SH3BGRL2: variants seen among roughly 807,000 people sequenced by gnomAD.
SH3BGRL2 encodes SH3 domain binding glutamate rich protein like 2.
A neutral mutation model predicts 14.8 loss-of-function variants in SH3BGRL2; 21 were observed. The observed-to-expected ratio is 1.42, with a 90% CI of 1.01 to 2.05. The LOEUF is 2.05. Among genes scored for constraint, SH3BGRL2 ranks in the 30% most tolerant of loss-of-function variants. The probability of loss-of-function intolerance (pLI) is 0.00; values close to 1 mark genes in which losing one functional copy is unlikely to be tolerated. For missense variants in SH3BGRL2, 147 were observed against 130.8 expected, an observed-to-expected ratio of 1.12 and a Z score of -0.61; for synonymous variants, 50 against 47.8, an observed-to-expected ratio of 1.05 and a Z score of -0.19.
At chr6:79,643,019 C>T (rs1214986475) in intron 1 of SH3BGRL2, among the ~76,000 whole-genome samples, 1 of 152,084 alleles carries the variant, frequency 6.6e-6, no homozygotes, top group African/African-American at 2.4e-5. Flanking sequence ...AAGAGGGGAC[C>T]CATTGTGCTG....
At chr6:79,657,405 A>G (rs1769442333) in intron 1 of SH3BGRL2, among the ~76,000 whole-genome samples, 1 of 152,150 alleles carries the variant, frequency 6.6e-6, no homozygotes, top group South Asian at 2.1e-4. Flanking sequence ...AGAAGAAAGA[A>G]AAGGAGATGA....
At chr6:79,549,435 A>G in the SH3BGRL2 span, among the ~76,000 whole-genome samples, 1 of 152,234 alleles carries the variant, frequency 6.6e-6, no homozygotes, top group Non-Finnish European at 1.5e-5. Context: ...GTGGTCCCAT[A>G]AGATTATAAT....
At chr6:79,644,882 G>A (rs1769098091) in intron 1 of SH3BGRL2, among the ~76,000 whole-genome samples, 1 of 152,034 alleles carries the variant, frequency 6.6e-6, no homozygotes, top group Non-Finnish European at 1.5e-5. Flanking sequence ...TGAGTTGGCC[G>A]GGCGCGGTGG....
the SH3BGRL2 span, among the ~76,000 whole-genome samples, chr6:79,539,202 A>G: frequency 6.6e-6 from 1 of 152,194 alleles, no homozygotes; most frequent in Non-Finnish European, 1.5e-5. Flanking sequence ...AGTAAAAACT[A>G]GTTTATTGAA....
At chr6:79,684,792 A>C (rs74787373) in intron 2 of SH3BGRL2, among the ~76,000 whole-genome samples, 1 of 152,156 alleles carries the variant, frequency 6.6e-6, no homozygotes, top group Non-Finnish European at 1.5e-5. Context: ...GCATTTTCTT[A>C]GAGAAGTTTA....
chr6:79,691,539 C>T (rs1379724629), intron 2 of SH3BGRL2, among the ~76,000 whole-genome samples: 5 of 125,216 alleles, frequency 4.0e-5, no homozygotes, highest in African/African-American at 6.2e-5. Context: ...CGGTGTGTGA[C>T]GTTCCCCTTC....
intron 1 of SH3BGRL2, among the ~76,000 whole-genome samples, chr6:79,639,967 C>T (rs1476931865): frequency 6.6e-6 from 1 of 152,182 alleles, no homozygotes; most frequent in Non-Finnish European, 1.5e-5. Flanking sequence ...TGCTTGTTAA[C>T]TTTTGTGGGG....
At chr6:79,564,099 A>AT in the SH3BGRL2 span, among the ~76,000 whole-genome samples, 1 of 152,206 alleles carries the variant, frequency 6.6e-6, no homozygotes, top group African/African-American at 2.4e-5. Context: ...GAAAACTGGT[A>AT]ACTCATACTG....
intron 1 of SH3BGRL2, among the ~76,000 whole-genome samples, chr6:79,637,957 C>G (rs1768959212): frequency 6.6e-6 from 1 of 152,116 alleles, no homozygotes; most frequent in Non-Finnish European, 1.5e-5. Context: ...AGCATACAAA[C>G]TATTTTTATT....
the SH3BGRL2 span, among the ~76,000 whole-genome samples, chr6:79,605,545 G>A: frequency 2.6e-5 from 4 of 152,162 alleles, no homozygotes; most frequent in East Asian, 1.9e-4. Context: ...TAAAGTTGTG[G>A]TAAATCTGTA....
intron 1 of SH3BGRL2, among the ~76,000 whole-genome samples, chr6:79,631,976 T>C (rs1320230264): frequency 2.0e-5 from 3 of 152,210 alleles, no homozygotes; most frequent in Non-Finnish European, 4.4e-5. Context: ...CTGTCCTCCC[T>C]TCCCCGCCAG....
At chr6:79,596,140 G>A in the SH3BGRL2 span, among the ~76,000 whole-genome samples, 1 of 152,124 alleles carries the variant, frequency 6.6e-6, no homozygotes, top group Non-Finnish European at 1.5e-5. Flanking sequence ...TTTATACTCT[G>A]ATATTACAAA....
the SH3BGRL2 span, among the ~76,000 whole-genome samples, chr6:79,571,652 A>G: frequency 9.2e-5 from 14 of 152,222 alleles, no homozygotes; most frequent in East Asian, 1.9e-4. Context: ...CTTAAAATCT[A>G]TTGGTAACAC....
chr6:79,608,482 A>G, the SH3BGRL2 span, among the ~76,000 whole-genome samples: 1 of 152,124 alleles, frequency 6.6e-6, no homozygotes. Context: ...TTCTGTAGAC[A>G]AGAAACGTGT....
At chr6:79,632,281 G>A (rs1022563926) in intron 1 of SH3BGRL2, among the ~76,000 whole-genome samples, 1 of 152,062 alleles carries the variant, frequency 6.6e-6, no homozygotes, top group Non-Finnish European at 1.5e-5. Flanking sequence ...TTTAAAGAAA[G>A]GAAAGTTAAA....
chr6:79,547,784 A>AG, the SH3BGRL2 span, among the ~76,000 whole-genome samples: 2 of 152,188 alleles, frequency 1.3e-5, no homozygotes, highest in African/African-American at 4.8e-5. Flanking sequence ...AGCAGTGATT[A>AG]GAAAAAAAAA....
At position 79,701,286 on chromosome 6, in the gene SH3BGRL2, T is replaced by C. The variant is rs1335904103; in HGVS notation, c.*1777T>C. ...TTTAACTGGATATTGTGTTTGAGTA[T>C]GTGAGTCTTCTGATAAAACTCAGAA... On this transcript the variant is annotated 3_prime_UTR_variant, in exon 4 of 4. Coordinates refer to ENST00000369838, the MANE Select transcript of SH3BGRL2 (RefSeq NM_031469.4). The C allele has an allele frequency of 6.6e-6, 1 of 152,194 alleles. No homozygotes were observed. Among genetic ancestry groups the C allele is most frequent in the Admixed American group, 6.5e-5 (1 of 15,284 alleles). 9.4% of individuals were successfully genotyped at this position (152,194 alleles called of 1,614,324 possible).
chr6:79,647,132 G>A (rs1769160427), intron 1 of SH3BGRL2, among the ~76,000 whole-genome samples: 1 of 152,130 alleles, frequency 6.6e-6, no homozygotes, highest in South Asian at 2.1e-4. Flanking sequence ...TTTCCAAAGT[G>A]GCCATTTCAT....
chr6:79,564,876 C>A, the SH3BGRL2 span, among the ~76,000 whole-genome samples: 1 of 152,112 alleles, frequency 6.6e-6, no homozygotes, highest in Non-Finnish European at 1.5e-5. Flanking sequence ...GGTACATCTC[C>A]TGCTGCTTCT....
Sources: gnomAD v4.1 joint callset for allele counts (sites outside exome capture counted in the v4.1 genomes callset) on GRCh38, gnomAD v4.1.1 for gene constraint, MANE v1.5 for transcripts, NCBI Gene and HGNC (gene_info 2026-07-23, HGNC 2026-07-21) for gene names.